BDH2: variants seen among roughly 807,000 people sequenced by gnomAD.
BDH2 encodes the protein dehydrogenase/reductase SDR family member 6.
Under a neutral mutation model 33.2 loss-of-function variants are expected in BDH2, and 24 were observed. The observed-to-expected ratio is 0.72, with a 90% CI of 0.52 to 1.02. The LOEUF is 1.02. Among genes scored for constraint, BDH2 ranks in the 50% least tolerant of loss-of-function variants. The probability of loss-of-function intolerance (pLI) is 0.00; values close to 1 mark genes in which losing one functional copy is unlikely to be tolerated. For synonymous variants in BDH2, 81 were observed against 101.6 expected (o/e 0.80, Z 1.22); for missense variants, 249 against 301.6 (o/e 0.83, Z 1.29).
intron 7 of BDH2, 80 bp downstream of exon 7, chr4:103,085,269 C>T: frequency 1.8e-6 from 2 of 1,082,400 alleles, no homozygotes; most frequent in Non-Finnish European, 2.7e-6. Context: ...TGAAAACAGC[C>T]ATAGGCAATA....
At position 103,079,834 on chromosome 4, in the gene BDH2, G is replaced by C. The variant is rs932367979; in HGVS notation, c.685-79C>G. 5.3e-6 allele frequency: 7 copies of C among 1,332,854 alleles called. No individual in the cohort carries two copies. The East Asian group carries it at 1.6e-4, about 31-fold the overall frequency. The allele number at this position is 1,332,854 out of a possible 1,614,324, so 82.6% of individuals were successfully genotyped here. A position where few individuals can be genotyped will look rare whatever the true frequency, so the allele number is the denominator to read the frequency against. ...GTATTTTGAAATTTTCCTGTGACTA[G>C]GATAACTAAACAATTTACCCTTGTC... On this transcript the variant is annotated intron_variant, in intron 9 of 9. Coordinates refer to ENST00000296424, the MANE Select transcript of BDH2 (RefSeq NM_020139.4).
chr4:103,085,292 T>A, intron 7 of BDH2, 57 bp downstream of exon 7: 2 of 1,357,148 alleles, frequency 1.5e-6, no homozygotes, highest in Non-Finnish European at 2.1e-6. Context: ...ATAAGCAAAT[T>A]GGGTGTGGAA....
At chr4:103,079,864 C>T in intron 9 of BDH2, 109 bp from the exon 10 acceptor site, 3 of 979,624 alleles carry the variant, frequency 3.1e-6, no homozygotes, top group Middle Eastern at 4.3e-4. Context: ...CTTGTCCTAA[C>T]AGGAAACCTC....
intron 3 of BDH2, among the ~76,000 whole-genome samples, chr4:103,093,553 T>G (rs1748211528): frequency 6.7e-6 from 1 of 148,596 alleles, no homozygotes; most frequent in South Asian, 2.1e-4. Flanking sequence ...ATAATGTGCA[T>G]AATATATATT....
intron 7 of BDH2, among the ~76,000 whole-genome samples, chr4:103,083,635 T>C (rs1433597216): frequency 2.0e-5 from 3 of 151,856 alleles, no homozygotes; most frequent in Admixed American, 2.0e-4. Context: ...GACTTTTTTG[T>C]TAACGGACAT....
chr4:103,079,894 G>A (rs945147034), intron 9 of BDH2, 139 bp from the exon 10 acceptor site: 2 of 744,596 alleles, frequency 2.7e-6, no homozygotes, highest in Non-Finnish European at 2.2e-6. Flanking sequence ...CTTAATTCAG[G>A]GAAATCCAAA....
intron 3 of BDH2, among the ~76,000 whole-genome samples, chr4:103,093,933 T>C (rs1748237044): frequency 6.6e-6 from 1 of 152,264 alleles, no homozygotes; most frequent in South Asian, 2.1e-4. Flanking sequence ...GTTTGAATTA[T>C]AATTCAACAT....
intron 9 of BDH2, 80 bp downstream of exon 9, chr4:103,082,001 A>C: frequency 8.6e-7 from 1 of 1,157,692 alleles, no homozygotes; most frequent in South Asian, 1.3e-5. Context: ...CAAACTCTCT[A>C]AAATGATATT....
intron 1 of BDH2, among the ~76,000 whole-genome samples, chr4:103,096,982 C>T (rs1407270702): frequency 6.6e-6 from 1 of 152,180 alleles, no homozygotes; most frequent in South Asian, 2.1e-4. Context: ...GTCCTTACTA[C>T]TCAGGGCTGC....
intron 5 of BDH2, among the ~76,000 whole-genome samples, chr4:103,088,056 G>C (rs1195780090): frequency 6.6e-6 from 1 of 152,210 alleles, no homozygotes; most frequent in Non-Finnish European, 1.5e-5. Flanking sequence ...AATGGAGTAA[G>C]TGGATACAAG....
intron 7 of BDH2, 117 bp from the exon 8 acceptor site, chr4:103,083,046 C>A: frequency 1.1e-6 from 1 of 905,282 alleles, no homozygotes. Flanking sequence ...CTTAAAATGA[C>A]AACTTTACAG....
intron 3 of BDH2, 150 bp from the exon 4 acceptor site, chr4:103,092,846 G>A (rs532136664): frequency 3.6e-5 from 24 of 669,230 alleles, no homozygotes; most frequent in African/African-American, 3.5e-4. Flanking sequence ...AGAATCTTCA[G>A]AGTCTCATTA....
chr4:103,090,251 C>G (rs535772959), intron 5 of BDH2, among the ~76,000 whole-genome samples: 6 of 152,152 alleles, frequency 3.9e-5, no homozygotes, highest in Non-Finnish European at 7.3e-5. Context: ...CAGGGATGTA[C>G]GCTGCTCATG....
Position 103,092,694 on chromosome 4 carries a change from T to C in BDH2, c.154A>G (p.Ile52Val). The change falls in exon 4 of 10, where the codon ATT (isoleucine) becomes GTT (valine). Residue 52 changes from isoleucine (I) to valine (V), a missense_variant and splice_region_variant. Coordinates refer to ENST00000296424, the MANE Select transcript of BDH2 (RefSeq NM_020139.4). ...KLQELEKYPGIQTRVLDVTKK... is the reference protein window; with the variant it reads ...KLQELEKYPGVQTRVLDVTKK... The stretch of plus-strand genomic sequence containing the variant: ...GTGACATCAAGGACACGAGTTTGAA[T>C]ACCTGAAAAATAAAACAAGAGGCAC... The C allele has an allele frequency of 6.2e-7, 1 of 1,606,848 alleles. No individual in the cohort carries two copies.
Position 103,086,462 on chromosome 4 carries a change from G to A in BDH2, c.418+18C>T, listed in dbSNP as rs113035620. On this transcript the variant is annotated intron_variant, in intron 6 of 9. Coordinates refer to ENST00000296424, the MANE Select transcript of BDH2 (RefSeq NM_020139.4). ...TGCGTGTATGAGCATCGCAGTCCTC[G>A]GAAGGAGACAGACCCACCTTTGACG... The A allele has an allele frequency of 1.3e-3, 2,109 of 1,610,854 alleles. 22 individuals are homozygous for A. The African/African-American group carries it at 0.024, about 18-fold the overall frequency.
rs117296986 is a variant in BDH2 at position 103,080,110 on chromosome 4, C to T, written c.685-355G>A. 9.2e-5 allele frequency among the ~76,000 whole-genome samples: 14 copies of T among 152,266 alleles called. No individual in the cohort carries two copies. The East Asian group carries it at 2.1e-3, about 23-fold the overall frequency. Reference sequence around the variant, plus strand: ...GAAACTCAGAACTATTCAAAACTAGCTAAGTTTTATGCCACTAATAAACTT... The same window carrying T: ...GAAACTCAGAACTATTCAAAACTAGTTAAGTTTTATGCCACTAATAAACTT... On this transcript the variant is annotated intron_variant, in intron 9 of 9. Transcript: ENST00000296424.
At chr4:103,079,844 A>G (rs1747422745) in intron 9 of BDH2, 89 bp from the exon 10 acceptor site, 1 of 1,201,100 alleles carries the variant, frequency 8.3e-7, no homozygotes, top group Non-Finnish European at 1.2e-6. Context: ...GGATAACTAA[A>G]CAATTTACCC....
chr4:103,096,676 G>C (rs1383884494), intron 1 of BDH2, among the ~76,000 whole-genome samples: 1 of 151,886 alleles, frequency 6.6e-6, no homozygotes, highest in South Asian at 2.1e-4. Flanking sequence ...GAGTAGCTGG[G>C]ATTACAGGTG....
At position 103,079,226 on chromosome 4, in the gene BDH2, G is replaced by T. The variant is rs932960482; in HGVS notation, c.*476C>A. Among the ~76,000 whole-genome samples, 2 of 152,050 alleles carry T rather than the reference G, an allele frequency of 1.3e-5. No individual in the cohort carries two copies. Among genetic ancestry groups the T allele is most frequent in the Non-Finnish European group, 2.9e-5 (2 of 68,020 alleles). On this transcript the variant is annotated 3_prime_UTR_variant, in exon 10 of 10. Coordinates refer to ENST00000296424, the MANE Select transcript of BDH2 (RefSeq NM_020139.4). ...TGTCCTTATAAAAAGACACATGAGC[G>T]CTCGCTTTTTTTCTCTGCTCTTGCT... is the stretch of plus-strand genomic sequence containing the variant.
Sources: gnomAD v4.1 joint callset for allele counts (sites outside exome capture counted in the v4.1 genomes callset) on GRCh38, gnomAD v4.1.1 for gene constraint, MANE v1.5 for transcripts, NCBI Gene and HGNC (gene_info 2026-07-23, HGNC 2026-07-21) for gene names.